TMEM230: variants seen among roughly 807,000 people sequenced by gnomAD.
The protein encoded by TMEM230 is transmembrane protein 230, also known as UPF0414 transmembrane protein C20orf30.
Under a neutral mutation model 15.8 loss-of-function variants are expected in TMEM230, and 10 were observed. That is an observed-to-expected ratio of 0.63 (90% CI 0.39 to 1.07). The LOEUF is 1.07. Among genes scored for constraint, TMEM230 ranks in the 50% least tolerant of loss-of-function variants. TMEM230 has a pLI of 0.01. For missense variants in TMEM230, 165 were observed against 193.3 expected (o/e 0.85, Z 0.87); for synonymous variants, 67 against 76.9 (o/e 0.87, Z 0.68).
At chr20:5,068,359 A>C (rs1019544771), downstream of TMEM230, 13 of 152,340 alleles carry the variant, frequency 8.5e-5, no homozygotes, top group African/African-American at 3.1e-4. Flanking sequence ...GCTATGAAGA[A>C]ATATCCGAGA....
At chr20:5,108,699 G>C (rs1039482010) in intron 3 of TMEM230, among the ~76,000 whole-genome samples, 2 of 152,112 alleles carry the variant, frequency 1.3e-5, no homozygotes, top group Non-Finnish European at 2.9e-5. Context: ...CTTCCTCGTT[G>C]GCCCTAGTTC....
At chr20:5,074,119 G>A (rs2088913490) in intron 3 of TMEM230, among the ~76,000 whole-genome samples, 1 of 152,134 alleles carries the variant, frequency 6.6e-6, no homozygotes, top group South Asian at 2.1e-4. Context: ...CATTTATGGG[G>A]GATCTGCCCC....
chr20:5,109,226 C>T, intron 3 of TMEM230, 106 bp downstream of exon 2: 1 of 828,834 alleles, frequency 1.2e-6, no homozygotes, highest in Non-Finnish European at 1.9e-6. Context: ...CTTGTTGCTC[C>T]TTCTAATCCC....
At chr20:5,108,007 G>A (rs1055732692) in intron 3 of TMEM230, among the ~76,000 whole-genome samples, 1 of 151,820 alleles carries the variant, frequency 6.6e-6, no homozygotes, top group Admixed American at 6.6e-5. Flanking sequence ...CCAGCTACTA[G>A]GGAGGCTGAG....
At chr20:5,110,924 G>A (rs2090287839) in intron 2 of TMEM230, 1 of 152,220 alleles carries the variant, frequency 6.6e-6, no homozygotes, top group Non-Finnish European at 1.5e-5. Flanking sequence ...GCTCACGCCT[G>A]TAATCCCAGA....
In TMEM230 at chr20:5,073,863, T is replaced by C. The variant is rs74479557; in HGVS notation, c.223-4514A>G. Among the ~76,000 whole-genome samples, 743 of 152,304 alleles carry C rather than the reference T, an allele frequency of 4.9e-3. 4 individuals are homozygous for C. The highest frequency in any genetic ancestry group is 0.017 in the African/African-American group (695 of 41,566). On this transcript the variant is annotated intron_variant, in intron 3 of 3. Transcript: ENST00000612323. ...TTGCAGGAATACCTGAAGCTGGGAA[T>C]TTATAAAGAATAGAGGTGTATTTGG... is the stretch of plus-strand genomic sequence containing the variant.
At chr20:5,069,954 C>A (rs541026768) in intron 3 of TMEM230, among the ~76,000 whole-genome samples, 83 of 152,292 alleles carry the variant, frequency 5.5e-4, no homozygotes, top group Non-Finnish European at 4.4e-4. Flanking sequence ...AAGTGATCTG[C>A]CTGCCTCGAC....
At chr20:5,064,016 A>G (rs1178700840), downstream of TMEM230, among the ~76,000 whole-genome samples, 1 of 152,176 alleles carries the variant, frequency 6.6e-6, no homozygotes, top group East Asian at 1.9e-4. Context: ...CTGTAATCCC[A>G]GCACTTTGAG....
chr20:5,113,039 G>A lies in TMEM230; in HGVS notation c.-11C>T, dbSNP rs368686615. On this transcript the variant is annotated 5_prime_UTR_variant, in exon 1 of 5. Transcript: ENST00000342308. ...CGCCCAAGGTTGCATGGCATGGCCC[G>A]CTTAAGTGCCACTCAGCCGGCCCCA... 36 of 1,545,242 alleles carry A rather than the reference G, an allele frequency of 2.3e-5. No individual in the cohort carries two copies. The highest frequency in any genetic ancestry group is 3.8e-4 in the Middle Eastern group (2 of 5,238).
the TMEM230 span, among the ~76,000 whole-genome samples, chr20:5,062,177 G>A: frequency 4.0e-5 from 6 of 151,086 alleles, no homozygotes; most frequent in East Asian, 1.9e-4. Context: ...AGCCGAGATC[G>A]CACCATTGCA....
At chr20:5,077,364 C>T (rs930656817) in intron 3 of TMEM230, among the ~76,000 whole-genome samples, 3 of 152,088 alleles carry the variant, frequency 2.0e-5, no homozygotes, top group Non-Finnish European at 2.9e-5. Flanking sequence ...AGCTATCTGA[C>T]AGGCTATCCT....
chr20:5,099,089 G>A (rs951620756), downstream of TMEM230, among the ~76,000 whole-genome samples: 7 of 151,934 alleles, frequency 4.6e-5, no homozygotes, highest in African/African-American at 1.7e-4. Flanking sequence ...ACTTTGGGAG[G>A]CAAAGGTGGG....
chr20:5,073,513 G>C (rs74483766), intron 3 of TMEM230, among the ~76,000 whole-genome samples: 9,971 of 152,278 alleles, frequency 0.065, 1,043 homozygotes, highest in African/African-American at 0.22. Flanking sequence ...CCAGGGCCTG[G>C]CTGAGGCCTG....
intron 2 of TMEM230, among the ~76,000 whole-genome samples, chr20:5,110,038 G>T (rs2090250089): frequency 1.3e-5 from 2 of 152,034 alleles, no homozygotes; most frequent in Non-Finnish European, 1.5e-5. Flanking sequence ...TAAATTTGTG[G>T]GGTTTTTTTG....
chr20:5,071,212 G>A (rs2088811858), intron 3 of TMEM230, among the ~76,000 whole-genome samples: 1 of 152,092 alleles, frequency 6.6e-6, no homozygotes, highest in African/African-American at 2.4e-5. Flanking sequence ...GGCTATATGG[G>A]GCCTAAAGCA....
intron 3 of TMEM230, among the ~76,000 whole-genome samples, chr20:5,094,267 A>G (rs980536025): frequency 4.6e-5 from 7 of 151,454 alleles, no homozygotes; most frequent in Admixed American, 3.9e-4. Context: ...TTTTTAAGTG[A>G]CAAGGTCTCA....
chr20:5,073,646 G>A (rs988353040), intron 3 of TMEM230, among the ~76,000 whole-genome samples: 12 of 152,258 alleles, frequency 7.9e-5, no homozygotes, highest in Admixed American at 6.5e-4. Context: ...GGTAGTGGGA[G>A]TTGATGCAAC....
intron 3 of TMEM230, among the ~76,000 whole-genome samples, chr20:5,080,309 G>A (rs1467133103): frequency 6.6e-6 from 1 of 152,190 alleles, no homozygotes; most frequent in Admixed American, 6.6e-5. Context: ...CACAAATTAT[G>A]ATTAGTTGCT....
chr20:5,061,145 A>T, the TMEM230 span: 1 of 152,212 alleles, frequency 6.6e-6, no homozygotes, highest in African/African-American at 2.4e-5. Flanking sequence ...TGTATAACAT[A>T]TTATGATATC....
Sources: allele counts gnomAD v4.1 joint callset (sites outside exome capture counted in the v4.1 genomes callset), GRCh38; gene constraint gnomAD v4.1.1; transcripts MANE v1.5; gene names NCBI Gene and HGNC (gene_info 2026-07-23, HGNC 2026-07-21).